PCDHA2: variants seen among roughly 807,000 people sequenced by gnomAD.
PCDHA2 encodes protocadherin alpha-2.
In PCDHA2, 58 loss-of-function variants were observed where a neutral mutation model predicts 66.0. The ratio of observed to expected loss-of-function variants is 0.88; its 90% CI spans 0.71 to 1.09. The LOEUF is 1.09. Among genes scored for constraint, PCDHA2 ranks in the 50% least tolerant of loss-of-function variants. PCDHA2 has a pLI of 0.00. For missense variants in PCDHA2, 1,267 were observed against 1,242.3 expected (o/e 1.02, Z -0.30); for synonymous variants, 634 against 554.0 (o/e 1.14, Z -2.03).
chr5:140,825,205 C>T (rs1768477238), intron 1 of PCDHA2: 1 of 151,526 alleles, frequency 6.6e-6, no homozygotes, highest in South Asian at 2.1e-4. Flanking sequence ...ATTATCATTA[C>T]TGAAGTAGAT....
intron 3 of PCDHA2, among the ~76,000 whole-genome samples, chr5:140,997,684 G>A (rs2097780776): frequency 6.6e-6 from 1 of 152,116 alleles, no homozygotes; most frequent in African/African-American, 2.4e-5. Context: ...GTGTGTGTGT[G>A]TGTGTGTGTG....
At chr5:140,852,778 A>T (rs2150522420) in intron 1 of PCDHA2, 1 of 980,232 alleles carries the variant, frequency 1.0e-6, no homozygotes, top group East Asian at 1.1e-4. Flanking sequence ...TTTGATGTGA[A>T]TAGAGGGATG....
At chr5:140,910,690 G>T (rs2153515620) in intron 1 of PCDHA2, among the ~76,000 whole-genome samples, 1 of 152,224 alleles carries the variant, frequency 6.6e-6, no homozygotes, top group African/African-American at 2.4e-5. Context: ...GGCATTTCCA[G>T]CTTGCTCACA....
chr5:140,835,202 G>A, intron 1 of PCDHA2: 1 of 1,560,884 alleles, frequency 6.4e-7, no homozygotes, highest in African/African-American at 1.4e-5. Flanking sequence ...ACGAAGGCTT[G>A]AATGGGGATA....
chr5:140,928,875 T>C (rs781860300), intron 1 of PCDHA2: 1 of 1,614,184 alleles, frequency 6.2e-7, no homozygotes, highest in Non-Finnish European at 8.5e-7. Context: ...ACTCTGTCCC[T>C]CAGTTACTTC....
At chr5:140,809,089 G>T (rs782049907) in intron 1 of PCDHA2, 4 of 1,613,934 alleles carry the variant, frequency 2.5e-6, no homozygotes, top group Non-Finnish European at 2.5e-6. Flanking sequence ...TCAGCACAAC[G>T]CGTGCCCTGG....
intron 1 of PCDHA2, among the ~76,000 whole-genome samples, chr5:140,922,354 A>G (rs1208856231): frequency 6.6e-6 from 1 of 152,220 alleles, no homozygotes; most frequent in Non-Finnish European, 1.5e-5. Flanking sequence ...TTTCTAGAGT[A>G]GTGATTCTCA....
At chr5:140,870,483 C>A (rs782740203) in intron 1 of PCDHA2, 13 of 1,614,122 alleles carry the variant, frequency 8.1e-6, no homozygotes, top group East Asian at 2.2e-5. Context: ...CCGAGTACAC[C>A]GTGTTCGTGA....
chr5:141,004,037 G>A (rs946974688), intron 3 of PCDHA2, among the ~76,000 whole-genome samples: 1 of 152,200 alleles, frequency 6.6e-6, no homozygotes, highest in African/African-American at 2.4e-5. Flanking sequence ...TTCCTTGATT[G>A]ATCATTTGCT....
At chr5:140,936,184 C>T (rs572832347) in intron 1 of PCDHA2, among the ~76,000 whole-genome samples, 4 of 152,308 alleles carry the variant, frequency 2.6e-5, no homozygotes, top group African/African-American at 4.8e-5. Context: ...TAAACCACCA[C>T]GCCCAGCCAA....
intron 1 of PCDHA2, chr5:140,830,416 C>A: frequency 1.9e-6 from 3 of 1,614,014 alleles, no homozygotes; most frequent in Non-Finnish European, 1.7e-6. Flanking sequence ...TTAGCCCCAG[C>A]CTTTCACCTT....
intron 1 of PCDHA2, chr5:140,850,766 G>T: frequency 6.3e-7 from 1 of 1,598,074 alleles, no homozygotes; most frequent in Non-Finnish European, 8.6e-7. Context: ...GGAGGCAGAG[G>T]GTGTGCTCTG....
intron 1 of PCDHA2, among the ~76,000 whole-genome samples, chr5:140,945,772 T>C (rs538344111): frequency 1.3e-5 from 2 of 152,110 alleles, no homozygotes; most frequent in Non-Finnish European, 2.9e-5. Flanking sequence ...GACAATTTGA[T>C]ATCCAGATGC....
At chr5:141,000,052 C>G (rs945182675) in intron 3 of PCDHA2, among the ~76,000 whole-genome samples, 2 of 152,100 alleles carry the variant, frequency 1.3e-5, no homozygotes, top group Admixed American at 1.3e-4. Flanking sequence ...CACCACTCTC[C>G]CAGCTGCTCT....
intron 1 of PCDHA2, chr5:140,883,974 G>C: frequency 6.2e-7 from 1 of 1,612,962 alleles, no homozygotes; most frequent in Non-Finnish European, 8.5e-7. Context: ...CTGACGCCCG[G>C]GGCTGGCAGC....
At chr5:140,990,737 C>T (rs2097410697) in intron 3 of PCDHA2, among the ~76,000 whole-genome samples, 1 of 152,162 alleles carries the variant, frequency 6.6e-6, no homozygotes, top group African/African-American at 2.4e-5. Context: ...ATCAACAGCC[C>T]TAGGGTGGAT....
chr5:140,824,094 A>G (rs1767995736), intron 1 of PCDHA2: 1 of 1,614,038 alleles, frequency 6.2e-7, no homozygotes, highest in Non-Finnish European at 8.5e-7. Context: ...CCTTCAGTCC[A>G]AGCCTTCCTC....
At position 140,794,893 on chromosome 5, in the gene PCDHA2, A is replaced by T; in HGVS notation, c.-72A>T. On this transcript the variant is annotated 5_prime_UTR_variant, in exon 1 of 4. Transcript: ENST00000526136. ...GGAATAAGAGAAGCAGCAGGACTTT[A>T]ACAGAGACTAGAATATTTAAATTTT... is the stretch of plus-strand genomic sequence containing the variant. The T allele has an allele frequency of 6.8e-7, 1 of 1,468,912 alleles. No individual in the cohort carries two copies. The highest frequency in any genetic ancestry group is 9.2e-7 in the Non-Finnish European group (1 of 1,086,764). 91.0% of individuals were successfully genotyped at this position (1,468,912 alleles called of 1,614,324 possible).
chr5:140,875,208 C>G (rs1297860404), intron 1 of PCDHA2: 2 of 668,428 alleles, frequency 3.0e-6, no homozygotes, highest in East Asian at 6.8e-5. Flanking sequence ...GTGGCTAAAC[C>G]GAAAAGAACC....
Sources: gnomAD v4.1 joint callset for allele counts (sites outside exome capture counted in the v4.1 genomes callset) on GRCh38, gnomAD v4.1.1 for gene constraint, MANE v1.5 for transcripts, NCBI Gene and HGNC (gene_info 2026-07-23, HGNC 2026-07-21) for gene names.